LY75: variants seen among roughly 807,000 people sequenced by gnomAD.
LY75 encodes the protein lymphocyte antigen 75.
Under a neutral mutation model 231.7 loss-of-function variants are expected in LY75, and 185 were observed. That is an observed-to-expected ratio of 0.80 (90% confidence interval 0.71 to 0.90). LY75 has a LOEUF of 0.90. Among genes scored for constraint, LY75 ranks in the 40% least tolerant of loss-of-function variants. The pLI, the probability that LY75 is intolerant of heterozygous loss-of-function variation, is 0.00. For missense variants in LY75, 1,947 were observed against 2,050.2 expected, an observed-to-expected ratio of 0.95 and a Z score of 0.97; for synonymous variants, 668 against 689.0, an observed-to-expected ratio of 0.97 and a Z score of 0.48.
intron 12 of LY75, among the ~76,000 whole-genome samples, chr2:159,875,031 T>C (rs898313535): frequency 1.4e-5 from 2 of 146,178 alleles, no homozygotes; most frequent in South Asian, 2.1e-4. Flanking sequence ...TATATTTGTA[T>C]ATATACACAC....
At chr2:159,874,520 A>ATATTTTGTAAATCTATATAAATATGTACG (rs1685152775) in intron 12 of LY75, among the ~76,000 whole-genome samples, 1 of 93,716 alleles carries the variant, frequency 1.1e-5, no homozygotes, top group African/African-American at 3.3e-5. Context: ...AAATATGTAC[A>ATATTTTGTAAATCTATATAAATATGTACG]TATTTTGTAA....
chr2:159,842,232 T>A lies in LY75; in HGVS notation c.3280+13A>T, dbSNP rs1387802715. 1 of 1,606,472 alleles carries A rather than the reference T, an allele frequency of 6.2e-7. No individual in the cohort carries two copies. The highest frequency in any genetic ancestry group is 1.1e-5 in the South Asian group (1 of 90,934). ...GCATAAAGTACCATAGTTATCTAGATAATAATTGTTACCTGAATATTTCTG... is the reference window on the plus strand; with the variant it reads ...GCATAAAGTACCATAGTTATCTAGAAAATAATTGTTACCTGAATATTTCTG... On this transcript the variant is annotated intron_variant, in intron 24 of 34. Coordinates refer to ENST00000263636, the MANE Select transcript of LY75 (RefSeq NM_002349.4).
Position 159,834,074 on chromosome 2 carries a change from C to T in LY75, c.3811G>A (p.Asp1271Asn). ...TKNRHMATTQ[D>N]EVHTKCQKLN... ...TTCTGGCATTTAGTATGAACTTCAT[C>T]CTGTGTTGTTGCCATATGCCTATTC... The change falls in exon 27 of 35, where the codon GAT becomes AAT. Residue 1271 changes from aspartate to asparagine, a missense_variant. By Grantham distance (23) the Asp-to-Asn change is conservative. Transcript: ENST00000263636. 4 of 1,613,772 alleles carry T rather than the reference C, an allele frequency of 2.5e-6. No individual in the cohort carries two copies. The highest frequency in any genetic ancestry group is 8.5e-7 in the Non-Finnish European group (1 of 1,179,896).
chr2:159,900,769 T>C (rs1686051517), intron 1 of LY75, among the ~76,000 whole-genome samples: 1 of 152,198 alleles, frequency 6.6e-6, no homozygotes, highest in South Asian at 2.1e-4. Context: ...CTTAAAGTTA[T>C]TTTAAATCTG....
intron 23 of LY75, among the ~76,000 whole-genome samples, chr2:159,844,483 A>G (rs1684138596): frequency 6.6e-6 from 1 of 152,162 alleles, no homozygotes; most frequent in Non-Finnish European, 1.5e-5. Context: ...CAACCTGTTG[A>G]GGTCCAGATC....
chr2:159,853,219 C>G lies in LY75; in HGVS notation c.2743+54G>C, dbSNP rs76133700. 8,324 of 1,529,624 alleles carry G rather than the reference C, an allele frequency of 5.4e-3. 387 individuals are homozygous for G. The African/African-American group carries it at 0.1, about 19-fold the overall frequency. The allele number at this position is 1,529,624 out of a possible 1,614,324, so 94.8% of individuals were successfully genotyped here. On this transcript the variant is annotated intron_variant, in intron 20 of 34. Transcript: ENST00000263636. ...AAACAAGATTAAGCTAGAAACTGAA[C>G]CTGAACTTCACATATTACATAATCA...
In LY75 at chr2:159,853,242, T is replaced by G. The variant is rs370917452; in HGVS notation, c.2743+31A>C. On this transcript the variant is annotated intron_variant, in intron 20 of 34. Coordinates refer to ENST00000263636, the MANE Select transcript of LY75 (RefSeq NM_002349.4). ...AACCTGAACTTCACATATTACATAA[T>G]CAGCATTAAAGGATTTAGAATTAAC... The G allele has an allele frequency of 6.3e-6, 10 of 1,587,012 alleles. No individual in the cohort carries two copies. The African/African-American group carries it at 1.2e-4, about 19-fold the overall frequency.
intron 13 of LY75, among the ~76,000 whole-genome samples, chr2:159,866,740 C>T (rs1178489343): frequency 6.6e-6 from 1 of 152,156 alleles, no homozygotes; most frequent in Non-Finnish European, 1.5e-5. Flanking sequence ...GAAATAACTG[C>T]ATTTCTCCCA....
At chr2:159,868,369 GA>G (rs1440155331) in intron 13 of LY75, among the ~76,000 whole-genome samples, 7 of 152,100 alleles carry the variant, frequency 4.6e-5, no homozygotes, top group African/African-American at 1.7e-4. Context: ...ACATTCTATG[GA>G]AAATAGGTTT....
chr2:159,877,731 T>G lies in LY75; in HGVS notation c.1774+593A>C, dbSNP rs138593750. Among the ~76,000 whole-genome samples the G allele has an allele frequency of 8.1e-3, 1,236 of 152,080 alleles. 4 individuals are homozygous for G. The highest frequency in any genetic ancestry group is 0.012 in the Non-Finnish European group (840 of 67,964). On this transcript the variant is annotated intron_variant, in intron 11 of 34. Transcript: ENST00000263636. ...CAGAAATACAAAAAGTAGCTGGGCATGTTGGCATGCACCTGTAATCCCAGC... is the reference window on the plus strand; with the variant it reads ...CAGAAATACAAAAAGTAGCTGGGCAGGTTGGCATGCACCTGTAATCCCAGC...
intron 13 of LY75, among the ~76,000 whole-genome samples, chr2:159,868,328 C>T (rs1365113491): frequency 6.6e-6 from 1 of 152,066 alleles, no homozygotes. Flanking sequence ...ATGTGCATTA[C>T]TTTTATGATT....
rs1306139318 is a variant in LY75 at position 159,803,549 on chromosome 2, T to C, written c.*1495A>G. The C allele has an allele frequency of 6.6e-6, 1 of 152,224 alleles. No homozygotes were observed. The highest frequency in any genetic ancestry group is 2.4e-5 in the African/African-American group (1 of 41,458). The allele number at this position is 152,224 out of a possible 1,614,324, so 9.4% of individuals were successfully genotyped here. ...GGACAACTGTAGACTATATAAAAAC[T>C]GTCTTAGAAAATTATTTACAACTTT... On this transcript the variant is annotated 3_prime_UTR_variant, in exon 35 of 35. Coordinates refer to ENST00000263636, the MANE Select transcript of LY75 (RefSeq NM_002349.4).
intron 25 of LY75, among the ~76,000 whole-genome samples, chr2:159,840,037 A>C (rs1248573545): frequency 6.7e-6 from 1 of 149,808 alleles, no homozygotes; most frequent in African/African-American, 2.4e-5. Flanking sequence ...AAAAAAGAGA[A>C]AGGGATGGAA....
intron 16 of LY75, among the ~76,000 whole-genome samples, chr2:159,857,513 G>A (rs191892080): frequency 3.4e-4 from 51 of 152,238 alleles, no homozygotes; most frequent in Admixed American, 2.8e-3. Context: ...AGGCTGAGGC[G>A]GGCCAATCAC....
chr2:159,818,675 CATACT>C (rs759795480), intron 29 of LY75, among the ~76,000 whole-genome samples: 12 of 152,126 alleles, frequency 7.9e-5, no homozygotes, highest in Admixed American at 2.0e-4. Flanking sequence ...ACAAATGTAC[CATACT>C]AAAGTAATAT....
intron 18 of LY75, 110 bp downstream of exon 18, chr2:159,854,250 A>T (rs1334516008): frequency 2.4e-6 from 2 of 850,804 alleles, no homozygotes; most frequent in Admixed American, 8.4e-5. Flanking sequence ...CAGATTTTAC[A>T]TTAAAGAAAA....
In LY75 at chr2:159,834,065, G is replaced by T. The variant is rs751251302; in HGVS notation, c.3820C>A (p.His1274Asn). The T allele has an allele frequency of 5.0e-6, 8 of 1,613,558 alleles. No individual in the cohort carries two copies. The highest frequency in any genetic ancestry group is 6.8e-6 in the Non-Finnish European group (8 of 1,179,834). ...TTACTCAGTTTCTGGCATTTAGTATGAACTTCATCCTGTGTTGTTGCCATA... is the reference window on the plus strand; with the variant it reads ...TTACTCAGTTTCTGGCATTTAGTATTAACTTCATCCTGTGTTGTTGCCATA... Reference protein sequence around the residue: ...RHMATTQDEVHTKCQKLNPKS... With the variant: ...RHMATTQDEVNTKCQKLNPKS... The change falls in exon 27 of 35, where the codon CAT becomes AAT. Residue 1274 changes from histidine (H) to asparagine (N), a missense_variant. Transcript: ENST00000263636.
chr2:159,889,527 C>T (rs1181570179), intron 4 of LY75, among the ~76,000 whole-genome samples: 3 of 152,122 alleles, frequency 2.0e-5, no homozygotes, highest in African/African-American at 7.2e-5. Context: ...CGCACCTGGC[C>T]AATTCCTCTT....
chr2:159,851,690 A>C (rs542919118), intron 21 of LY75, among the ~76,000 whole-genome samples: 2 of 152,236 alleles, frequency 1.3e-5, no homozygotes, highest in Non-Finnish European at 2.9e-5. Context: ...AGGCAGATAC[A>C]GAATGCAGCA....
Sources: gnomAD v4.1 joint callset for allele counts (sites outside exome capture counted in the v4.1 genomes callset) on GRCh38, gnomAD v4.1.1 for gene constraint, MANE v1.5 for transcripts, NCBI Gene and HGNC (gene_info 2026-07-23, HGNC 2026-07-21) for gene names.